Variants in STXBP3 observed in about 807,000 individuals in gnomAD.
STXBP3 encodes syntaxin binding protein 3.
In STXBP3, 41 loss-of-function variants were observed where a neutral mutation model predicts 85.7. The ratio of observed to expected loss-of-function variants is 0.48; its 90% CI spans 0.37 to 0.62. The LOEUF (loss-of-function observed/expected upper bound fraction) is 0.62. Ranked by LOEUF, STXBP3 falls within the 20% of genes least tolerant of loss-of-function variation. The pLI is 0.00. For synonymous variants in STXBP3, 229 were observed against 231.7 expected (o/e 0.99, Z 0.10); for missense variants, 563 against 703.1 (o/e 0.80, Z 2.25).
intron 18 of STXBP3, among the ~76,000 whole-genome samples, chr1:108,808,213 T>A (rs1301997472): frequency 6.6e-6 from 1 of 152,224 alleles, no homozygotes; most frequent in African/African-American, 2.4e-5. Flanking sequence ...TGTGTGGAAT[T>A]AAGTTTTAAG....
intron 11 of STXBP3, among the ~76,000 whole-genome samples, chr1:108,793,085 T>A (rs1663010728): frequency 7.2e-6 from 1 of 138,156 alleles, no homozygotes; most frequent in Non-Finnish European, 1.5e-5. Context: ...TTGGGTTATG[T>A]TCTGTCTAGC....
intron 11 of STXBP3, among the ~76,000 whole-genome samples, chr1:108,793,261 G>T (rs1663016257): frequency 1.4e-5 from 2 of 147,868 alleles, no homozygotes; most frequent in Non-Finnish European, 3.0e-5. Flanking sequence ...TTAGGGAAAG[G>T]AAGGGTGCGT....
In STXBP3 at chr1:108,757,933, G is replaced by A. The variant is rs141832628; in HGVS notation, c.259-577G>A. 4.1e-3 allele frequency among the ~76,000 whole-genome samples: 624 copies of A among 152,008 alleles called. 7 individuals carry two copies. Among genetic ancestry groups the A allele is most frequent in the South Asian group, 0.015 (74 of 4,806 alleles). On this transcript the variant is annotated intron_variant, in intron 4 of 18. Coordinates refer to ENST00000370008, the MANE Select transcript of STXBP3 (RefSeq NM_007269.4). ...GGCCATTAAAAATAATTTTTCTAGG[G>A]GTTGTTAGTGACCTAGATAAATGTT...
chr1:108,753,983 A>G (rs573778647), intron 3 of STXBP3, among the ~76,000 whole-genome samples: 2 of 152,202 alleles, frequency 1.3e-5, no homozygotes, highest in African/African-American at 2.4e-5. Flanking sequence ...TATTCTCAAG[A>G]AAGTCTGACC....
chr1:108,807,281 AT>A, intron 17 of STXBP3, 119 bp from the exon 18 acceptor site: 37 of 940,064 alleles, frequency 3.9e-5, no homozygotes, highest in East Asian at 9.7e-5. Context: ...AAAAAAAAAA[AT>A]CAATGTAATT....
At chr1:108,801,393 TA>T (rs1233027087) in intron 17 of STXBP3, among the ~76,000 whole-genome samples, 1 of 152,194 alleles carries the variant, frequency 6.6e-6, no homozygotes, top group Non-Finnish European at 1.5e-5. Flanking sequence ...ATTGTTTTAG[TA>T]ATTTGTGTGG....
chr1:108,760,514 T>C (rs991769777), intron 6 of STXBP3, among the ~76,000 whole-genome samples: 3 of 152,162 alleles, frequency 2.0e-5, no homozygotes, highest in Admixed American at 2.0e-4. Context: ...GTTTTGCCTT[T>C]GGAACATTGA....
In STXBP3 at chr1:108,771,664, CAT is replaced by C. The variant is rs1473622749; in HGVS notation, c.439-995_439-994del. Among the ~76,000 whole-genome samples the C allele has an allele frequency of 5.0e-3, 21 of 4,176 alleles. 9 individuals are homozygous for C. The highest frequency in any genetic ancestry group is 0.011 in the Non-Finnish European group (18 of 1,638). 2.7% of individuals were successfully genotyped at this position (4,176 alleles called of 152,430 possible). On this transcript the variant is annotated intron_variant, in intron 6 of 18. Coordinates refer to ENST00000370008, the MANE Select transcript of STXBP3 (RefSeq NM_007269.4). ...ATATATGATATATATCTATATATATCATATATAAATATATATGATATCTATCT... is the reference window on the plus strand; with the variant it reads ...ATATATGATATATATCTATATATATCATATAAATATATATGATATCTATCT...
At chr1:108,762,872 A>G (rs1662170401) in intron 6 of STXBP3, among the ~76,000 whole-genome samples, 4 of 152,328 alleles carry the variant, frequency 2.6e-5, no homozygotes, top group South Asian at 2.1e-4. Flanking sequence ...TCACACACAT[A>G]ACTACTTTTG....
At chr1:108,783,619 A>G (rs1411068590) in intron 11 of STXBP3, among the ~76,000 whole-genome samples, 3 of 152,128 alleles carry the variant, frequency 2.0e-5, no homozygotes, top group Non-Finnish European at 4.4e-5. Flanking sequence ...CAAAGCTGCT[A>G]TGGATTTTTT....
intron 11 of STXBP3, among the ~76,000 whole-genome samples, chr1:108,785,908 A>G (rs990662066): frequency 6.6e-6 from 1 of 152,158 alleles, no homozygotes; most frequent in Non-Finnish European, 1.5e-5. Context: ...TTGATTATCC[A>G]TATCACTGTC....
chr1:108,753,204 T>A, intron 3 of STXBP3, 60 bp downstream of exon 3: 1 of 1,230,406 alleles, frequency 8.1e-7, no homozygotes, highest in Non-Finnish European at 1.1e-6. Flanking sequence ...TCTGAGGTAT[T>A]AAATTTTAGT....
intron 16 of STXBP3, among the ~76,000 whole-genome samples, chr1:108,798,575 C>A (rs1183815708): frequency 6.6e-6 from 1 of 151,908 alleles, no homozygotes; most frequent in Non-Finnish European, 1.5e-5. Flanking sequence ...GCCACCATGC[C>A]TGGCTAATTT....
chr1:108,780,474 T>G (rs1662692420), intron 9 of STXBP3: 1 of 151,596 alleles, frequency 6.6e-6, no homozygotes, highest in South Asian at 2.1e-4. Flanking sequence ...CATTCAGAGA[T>G]AAGAATTAGA....
At chr1:108,782,737 A>G (rs766499825) in intron 11 of STXBP3, 31 bp downstream of exon 11, 5 of 1,533,548 alleles carry the variant, frequency 3.3e-6, no homozygotes, top group Non-Finnish European at 4.4e-6. Flanking sequence ...TCAAAGTAAT[A>G]GTGAAGGTGA....
At chr1:108,806,840 A>C (rs1240790394) in intron 17 of STXBP3, among the ~76,000 whole-genome samples, 1 of 151,970 alleles carries the variant, frequency 6.6e-6, no homozygotes, top group Non-Finnish European at 1.5e-5. Context: ...TGTTAGCTCT[A>C]CTCTATATGT....
intron 6 of STXBP3, among the ~76,000 whole-genome samples, chr1:108,760,679 A>G (rs1393224129): frequency 1.3e-5 from 2 of 152,148 alleles, no homozygotes; most frequent in Admixed American, 1.3e-4. Flanking sequence ...TCCATTTTGA[A>G]GATCAAGAAA....
intron 6 of STXBP3, among the ~76,000 whole-genome samples, chr1:108,763,833 C>G (rs1662201594): frequency 6.6e-6 from 1 of 152,056 alleles, no homozygotes; most frequent in African/African-American, 2.4e-5. Context: ...CTGCCCACCT[C>G]AGCCTCCCAA....
Position 108,796,282 on chromosome 1 carries a change from A to G in STXBP3, c.1159A>G (p.Met387Val). The G allele has an allele frequency of 1.2e-6, 2 of 1,613,842 alleles. No homozygotes were observed. Among genetic ancestry groups the G allele is most frequent in the Non-Finnish European group, 1.7e-6 (2 of 1,179,822 alleles). The stretch of plus-strand genomic sequence containing the variant: ...AGAAGGACAGAAGGTGAAAGATTCC[A>G]TGCGAGTACTCCTTCCAGTTCTACT... ...DAEGQKVKDS[M>V]RVLLPVLLNK... is the part of the protein sequence containing the mutation. Residue 387 changes from methionine (M) to valine (V), a missense_variant, in exon 14 of 19, where the codon ATG becomes GTG. This residue lies in a region of STXBP3 where 494 missense variants were observed against 592.8 expected (regional missense o/e 0.83). Transcript: ENST00000370008.
Sources: gnomAD v4.1 joint callset for allele counts (sites outside exome capture counted in the v4.1 genomes callset) on GRCh38, gnomAD v4.1.1 for gene constraint, gnomAD v4.1.1 regional missense constraint, MANE v1.5 for transcripts, NCBI Gene and HGNC (gene_info 2026-07-23, HGNC 2026-07-21) for gene names.